The following MAGI1 variants were observed in gnomAD, a reference collection of about 807,000 sequenced individuals.
The protein encoded by MAGI1 is membrane associated guanylate kinase, WW and PDZ domain containing 1.
Under a neutral mutation model 139.9 loss-of-function variants are expected in MAGI1, and 58 were observed. The ratio of observed to expected loss-of-function variants is 0.41; its 90% CI spans 0.34 to 0.52. The LOEUF (loss-of-function observed/expected upper bound fraction) is 0.52, where lower values mean the gene tolerates loss of function less well. Among genes scored for constraint, MAGI1 ranks in the 20% least tolerant of loss-of-function variants. The probability of loss-of-function intolerance (pLI) is 0.12; values close to 1 mark genes in which losing one functional copy is unlikely to be tolerated. For missense variants in MAGI1, 1,874 were observed against 1,901.6 expected (o/e 0.99, Z 0.27); for synonymous variants, 812 against 737.9 (o/e 1.10, Z -1.63).
intron 5 of MAGI1, among the ~76,000 whole-genome samples, chr3:65,467,211 C>T (rs1404290040): frequency 1.3e-5 from 2 of 152,136 alleles, no homozygotes; most frequent in Non-Finnish European, 2.9e-5. Context: ...TAAATCCATG[C>T]TTGATTTTTT....
intron 1 of MAGI1, among the ~76,000 whole-genome samples, chr3:65,845,661 C>G (rs1298865117): frequency 6.6e-6 from 1 of 152,186 alleles, no homozygotes; most frequent in Non-Finnish European, 1.5e-5. Context: ...CATGTCTTTG[C>G]TATGCCTTTG....
At chr3:65,765,495 T>G (rs1178012126) in intron 1 of MAGI1, among the ~76,000 whole-genome samples, 1 of 152,184 alleles carries the variant, frequency 6.6e-6, no homozygotes, top group Non-Finnish European at 1.5e-5. Flanking sequence ...AAAATTGAAT[T>G]TTAAAACATT....
intron 1 of MAGI1, among the ~76,000 whole-genome samples, chr3:65,808,688 C>G (rs1452899967): frequency 6.6e-6 from 1 of 152,248 alleles, no homozygotes; most frequent in East Asian, 1.9e-4. Context: ...GAGACCTTCA[C>G]GACACCAACA....
intron 1 of MAGI1, among the ~76,000 whole-genome samples, chr3:65,791,597 A>C (rs1461356962): frequency 6.6e-6 from 1 of 152,168 alleles, no homozygotes; most frequent in African/African-American, 2.4e-5. Flanking sequence ...ATGGGAGAGA[A>C]GGCAGGAAGA....
chr3:65,363,425 G>A, intron 21 of MAGI1, 40 bp downstream of exon 21: 1 of 1,562,886 alleles, frequency 6.4e-7, no homozygotes, highest in Non-Finnish European at 8.7e-7. Flanking sequence ...CACTGCAGAT[G>A]GTTTCTTTGC....
intron 1 of MAGI1, among the ~76,000 whole-genome samples, chr3:66,022,130 T>C (rs189177298): frequency 6.6e-6 from 1 of 152,296 alleles, no homozygotes; most frequent in Non-Finnish European, 1.5e-5. Context: ...AAGCCTCCAA[T>C]CCTTACAACC....
intron 2 of MAGI1, among the ~76,000 whole-genome samples, chr3:65,557,794 C>T (rs144202678): frequency 2.6e-5 from 4 of 152,150 alleles, no homozygotes; most frequent in Admixed American, 2.6e-4. Context: ...CCTAGCAATA[C>T]AACTGGAAGA....
At chr3:65,958,860 G>A (rs1469627503) in intron 1 of MAGI1, among the ~76,000 whole-genome samples, 2 of 152,118 alleles carry the variant, frequency 1.3e-5, no homozygotes, top group African/African-American at 4.8e-5. Context: ...AGTGGCGTGT[G>A]CCTGTAATCC....
intron 5 of MAGI1, among the ~76,000 whole-genome samples, chr3:65,459,555 C>A (rs529975611): frequency 1.3e-5 from 2 of 152,280 alleles, no homozygotes; most frequent in South Asian, 2.1e-4. Flanking sequence ...ATATAATCTG[C>A]AAACAGGAGT....
intron 2 of MAGI1, among the ~76,000 whole-genome samples, chr3:65,607,067 C>T (rs1358824543): frequency 2.0e-5 from 3 of 151,784 alleles, no homozygotes; most frequent in East Asian, 1.9e-4. Flanking sequence ...ATTTTTTTTC[C>T]GATTCTGACA....
chr3:65,441,214 G>C (rs1344946338), intron 8 of MAGI1, among the ~76,000 whole-genome samples: 2 of 152,016 alleles, frequency 1.3e-5, no homozygotes, highest in East Asian at 1.9e-4. Context: ...ACCTGCTTTG[G>C]TCTCCCCAAA....
At chr3:65,694,271 A>C (rs1377935381) in intron 1 of MAGI1, among the ~76,000 whole-genome samples, 1 of 152,192 alleles carries the variant, frequency 6.6e-6, no homozygotes, top group Non-Finnish European at 1.5e-5. Flanking sequence ...ATAAATACTT[A>C]AGAAGTGTCA....
intron 1 of MAGI1, among the ~76,000 whole-genome samples, chr3:66,023,249 A>G (rs796126429): frequency 4.6e-5 from 7 of 152,268 alleles, no homozygotes; most frequent in African/African-American, 1.7e-4. Context: ...ATGGAGGGGG[A>G]AAGGGGACTA....
rs552526284 is a variant in MAGI1 at position 65,930,717 on chromosome 3, A to G, written c.313+107279T>C. Among the ~76,000 whole-genome samples the G allele has an allele frequency of 3.9e-5, 6 of 152,318 alleles. 1 individual carries two copies. The highest frequency in any genetic ancestry group is 3.9e-4 in the Admixed American group (6 of 15,302). On this transcript the variant is annotated intron_variant, in intron 1 of 22. Transcript: ENST00000402939. ...AAGCCAGCCAAAACCCACCAAAACCAAGATGATAACGCAAGTGACCTCTGG... is the reference window on the plus strand; with the variant it reads ...AAGCCAGCCAAAACCCACCAAAACCGAGATGATAACGCAAGTGACCTCTGG...
chr3:65,579,344 C>T (rs942909061), intron 2 of MAGI1, among the ~76,000 whole-genome samples: 1 of 152,098 alleles, frequency 6.6e-6, no homozygotes, highest in Non-Finnish European at 1.5e-5. Flanking sequence ...CATTTGATCC[C>T]AGGACTGCCA....
intron 17 of MAGI1, among the ~76,000 whole-genome samples, chr3:65,376,251 A>C (rs1002141490): frequency 6.6e-6 from 1 of 152,184 alleles, no homozygotes; most frequent in African/African-American, 2.4e-5. Flanking sequence ...GGCAACTTCA[A>C]AGATTTTTAA....
chr3:65,399,621 G>A (rs750902396), intron 13 of MAGI1, among the ~76,000 whole-genome samples: 21 of 152,192 alleles, frequency 1.4e-4, no homozygotes, highest in Non-Finnish European at 2.8e-4. Flanking sequence ...AGCAGACTAT[G>A]GGTAAAGCAG....
chr3:66,017,543 C>A (rs1030765818), intron 1 of MAGI1, among the ~76,000 whole-genome samples: 1 of 152,184 alleles, frequency 6.6e-6, no homozygotes, highest in Non-Finnish European at 1.5e-5. Flanking sequence ...TAGAGGAAAC[C>A]CACCGCTGTC....
intron 1 of MAGI1, among the ~76,000 whole-genome samples, chr3:65,706,669 T>A (rs2030355148): frequency 6.6e-6 from 1 of 151,618 alleles, no homozygotes; most frequent in Non-Finnish European, 1.5e-5. Context: ...GGGAAAGAGA[T>A]GTGGAGGGGA....
Sources: gnomAD v4.1 joint callset for allele counts (sites outside exome capture counted in the v4.1 genomes callset) on GRCh38, gnomAD v4.1.1 for gene constraint, MANE v1.5 for transcripts, NCBI Gene and HGNC (gene_info 2026-07-23, HGNC 2026-07-21) for gene names.